Variants in F5 observed in about 807,000 individuals in gnomAD.
F5 encodes the protein activated protein c cofactor.
F5 carries 138 observed loss-of-function variants against 216.4 expected under a neutral mutation model. That is an observed-to-expected ratio of 0.64 (90% CI 0.56 to 0.73). The LOEUF is 0.73. F5 is among the 30% of genes least tolerant of loss of function. The pLI, the probability that F5 is intolerant of heterozygous loss-of-function variation, is 0.00. For synonymous variants in F5, 916 were observed against 930.7 expected (o/e 0.98, Z 0.29); for missense variants, 2,403 against 2,674.0 (o/e 0.90, Z 2.24).
intron 2 of F5, among the ~76,000 whole-genome samples, chr1:169,577,334 C>A (rs1054988881): frequency 6.6e-6 from 1 of 151,580 alleles, no homozygotes; most frequent in African/African-American, 2.4e-5. Context: ...TAATTTGTCC[C>A]TGAAAAATAT....
At chr1:169,514,539 G>GTCT (rs1659114807) in intron 24 of F5, 80 bp from the exon 25 acceptor site, 14 of 1,245,816 alleles carry the variant, frequency 1.1e-5, no homozygotes, top group Non-Finnish European at 1.6e-5. Context: ...TTTAGACAGG[G>GTCT]TCTTATTCTG....
At chr1:169,535,920 T>C (rs4656687) in intron 14 of F5, among the ~76,000 whole-genome samples, 60,876 of 151,932 alleles carry the variant, frequency 0.4, 13,218 homozygotes, top group East Asian at 0.9. Flanking sequence ...GGTTTTTGAA[T>C]GTGAGCGGTT....
chr1:169,572,091 A>T (rs1660737345), intron 3 of F5, 130 bp downstream of exon 3: 1 of 1,049,472 alleles, frequency 9.5e-7, no homozygotes, highest in Admixed American at 2.6e-5. Context: ...AACAGCAACA[A>T]TTTTTATAAT....
chr1:169,555,100 C>T, intron 7 of F5, 82 bp downstream of exon 7: 9 of 1,514,944 alleles, frequency 5.9e-6, no homozygotes, highest in Non-Finnish European at 8.2e-6. Flanking sequence ...GAGCTGTGAA[C>T]TTACATTTCA....
At chr1:169,520,458 A>G in intron 22 of F5, 62 bp downstream of exon 22, 3 of 1,603,602 alleles carry the variant, frequency 1.9e-6, no homozygotes, top group Middle Eastern at 1.7e-4. Context: ...TCATTCTCCT[A>G]TACCTCCCAA....
At position 169,548,685 on chromosome 1, in the gene F5, T is replaced by C. The variant is rs571809198; in HGVS notation, c.1611+1116A>G. ...GAGTTCGAGACCAGCCTAGCCAACA[T>C]GGTGAAACCCTGTCTCTACTAAAAA... On this transcript the variant is annotated intron_variant, in intron 10 of 24. Coordinates refer to ENST00000367797, the MANE Select transcript of F5 (RefSeq NM_000130.5). Among the ~76,000 whole-genome samples, 9 of 152,114 alleles carry C rather than the reference T, an allele frequency of 5.9e-5. No individual in the cohort carries two copies. In the South Asian group the frequency reaches 1.5e-3, roughly 25 times the overall value.
chr1:169,561,785 C>G (rs552162872), intron 3 of F5, among the ~76,000 whole-genome samples: 164 of 152,126 alleles, frequency 1.1e-3, no homozygotes, highest in African/African-American at 3.8e-3. Context: ...AGGCAGACAA[C>G]AAGGATCTGG....
intron 23 of F5, among the ~76,000 whole-genome samples, chr1:169,516,516 A>G (rs1659158493): frequency 6.6e-6 from 1 of 152,254 alleles, no homozygotes; most frequent in South Asian, 2.1e-4. Flanking sequence ...AAAAATTCAC[A>G]TGCTATATGT....
intron 3 of F5, among the ~76,000 whole-genome samples, chr1:169,563,985 T>C (rs1348984185): frequency 1.3e-5 from 2 of 152,114 alleles, no homozygotes; most frequent in African/African-American, 4.8e-5. Flanking sequence ...TGTTAACTAG[T>C]ATTGAGTTTT....
chr1:169,541,507 G>C lies in F5; in HGVS notation c.3583C>G (p.Leu1195Val). The C allele has an allele frequency of 6.2e-7, 1 of 1,614,106 alleles. No homozygotes were observed. The highest frequency in any genetic ancestry group is 8.5e-7 in the Non-Finnish European group (1 of 1,179,990). The change falls in exon 13 of 25, where the codon CTC (leucine) becomes GTC (valine). Residue 1195 changes from leucine to valine, a missense_variant. Leu to Val is a conservative substitution (Grantham distance 32, BLOSUM62 1). Around this residue, in one of 4 missense-constraint regions of F5, gnomAD observed 1,425 missense variants for 1,554.8 expected, o/e 0.92. Coordinates refer to ENST00000367797, the MANE Select transcript of F5 (RefSeq NM_000130.5). ...TTTGTCTGGCTGAGTTCTGGAGAGAGGGTCACCTGGCTGAGGTCTGGAGAG... is the reference window on the plus strand; with the variant it reads ...TTTGTCTGGCTGAGTTCTGGAGAGACGGTCACCTGGCTGAGGTCTGGAGAG... The part of the protein sequence containing the change: ...VISPDLSQVT[L>V]SPELSQTNLS...
At chr1:169,536,379 T>C (rs1236674886) in intron 14 of F5, 127 bp downstream of exon 14, 1 of 780,490 alleles carries the variant, frequency 1.3e-6, no homozygotes. Context: ...TGAAAAGAAA[T>C]GTAATTATTC....
chr1:169,578,285 G>A (rs1327480840), intron 2 of F5, among the ~76,000 whole-genome samples: 2 of 152,156 alleles, frequency 1.3e-5, no homozygotes, highest in African/African-American at 4.8e-5. Flanking sequence ...TTGACAGAAA[G>A]GTGCAAAGGC....
chr1:169,535,016 T>C (rs1262262639), intron 14 of F5, among the ~76,000 whole-genome samples: 4 of 152,106 alleles, frequency 2.6e-5, no homozygotes, highest in Admixed American at 2.6e-4. Flanking sequence ...CAATAAACAC[T>C]GGGGACTTCT....
chr1:169,518,858 C>T (rs1659221724), intron 22 of F5, among the ~76,000 whole-genome samples: 1 of 152,138 alleles, frequency 6.6e-6, no homozygotes, highest in African/African-American at 2.4e-5. Context: ...ATACCAAATA[C>T]CATGTTCTAA....
intron 11 of F5, among the ~76,000 whole-genome samples, chr1:169,546,071 C>T (rs781111009): frequency 5.3e-5 from 8 of 152,058 alleles, no homozygotes; most frequent in Non-Finnish European, 1.0e-4. Context: ...TCTGTCCTAG[C>T]CATATATTCA....
intron 14 of F5, among the ~76,000 whole-genome samples, chr1:169,535,272 C>G (rs966375493): frequency 2.6e-5 from 4 of 151,924 alleles, no homozygotes; most frequent in Non-Finnish European, 5.9e-5. Flanking sequence ...TGATTTTTTT[C>G]CTTTTGCCTA....
At chr1:169,552,012 AATGCAACTTTTAATCTATTATTTT>A (rs1660180350) in intron 8 of F5, among the ~76,000 whole-genome samples, 2 of 152,356 alleles carry the variant, frequency 1.3e-5, no homozygotes, top group East Asian at 1.9e-4. Context: ...GAAATATTTT[AATGCAACTTTTAATCTATTATTTT>A]ATGCAACTTT....
At chr1:169,582,315 A>AG in intron 2 of F5, 116 bp downstream of exon 2, 1 of 598,338 alleles carries the variant, frequency 1.7e-6, no homozygotes, top group Non-Finnish European at 2.9e-6. Context: ...ACTTCTTAAA[A>AG]AAAAAACCAC....
At chr1:169,559,508 G>A (rs1045360784) in intron 4 of F5, among the ~76,000 whole-genome samples, 10 of 152,144 alleles carry the variant, frequency 6.6e-5, no homozygotes, top group African/African-American at 1.9e-4. Context: ...ATACCTTCTT[G>A]CTTTGGGGAA....
Sources: allele counts gnomAD v4.1 joint callset (sites outside exome capture counted in the v4.1 genomes callset), GRCh38; gene constraint gnomAD v4.1.1; regional missense constraint gnomAD v4.1.1; transcripts MANE v1.5; gene names NCBI Gene and HGNC (gene_info 2026-07-23, HGNC 2026-07-21).